Variants in CAPN14 observed in about 807,000 individuals in gnomAD.
CAPN14 encodes the protein calpain-14.
CAPN14 carries 94 observed loss-of-function variants against 101.3 expected under a neutral mutation model. The observed-to-expected ratio is 0.93, with a 90% CI of 0.79 to 1.10. The LOEUF is 1.10. CAPN14 is among the 50% of genes least tolerant of loss of function. The pLI, the probability that CAPN14 is intolerant of heterozygous loss-of-function variation, is 0.00. For missense variants in CAPN14, 837 were observed against 828.4 expected, an observed-to-expected ratio of 1.01 and a Z score of -0.13; for synonymous variants, 338 against 317.9, an observed-to-expected ratio of 1.06 and a Z score of -0.67.
chr2:31,230,765 T>G lies in CAPN14; in HGVS notation c.-177+3026A>C, dbSNP rs986223299. ...ATGTGCTTTCATGGGTTTTTGTGTATAGGAAATATCTTTTCACTCACTTTT... is the reference window on the plus strand; with the variant it reads ...ATGTGCTTTCATGGGTTTTTGTGTAGAGGAAATATCTTTTCACTCACTTTT... On this transcript the variant is annotated intron_variant and NMD_transcript_variant, in intron 1 of 21. Coordinates refer to the CAPN14 transcript ENST00000398824. This position sits in a 1 kb window ranked among gnomAD's most constrained non-coding sequence, Gnocchi z 4.3. 1.3e-5 allele frequency among the ~76,000 whole-genome samples: 2 copies of G among 152,224 alleles called. No homozygotes were observed. Among genetic ancestry groups the G allele is most frequent in the Admixed American group, 6.5e-5 (1 of 15,286 alleles).
rs1681795317 is a variant in CAPN14 at position 31,201,806 on chromosome 2, A to G, written c.551+56T>C. 2.0e-6 allele frequency: 3 copies of G among 1,538,160 alleles called. 1 individual carries two copies. The East Asian group carries it at 7.4e-5, about 38-fold the overall frequency. ...CCTGACTCCACTCCCCTCCCTCAAC[A>G]TTGAGAGAGAGAAAAAGAAGCGATG... On this transcript the variant is annotated intron_variant, in intron 5 of 21. Coordinates refer to ENST00000403897, the MANE Select transcript of CAPN14 (RefSeq NM_001145122.2).
chr2:31,205,332 C>T lies in CAPN14; in HGVS notation c.116G>A (p.Arg39Lys). The T allele has an allele frequency of 1.3e-6, 2 of 1,551,240 alleles. No homozygotes were observed. Among genetic ancestry groups the T allele is most frequent in the South Asian group, 1.2e-5 (1 of 84,028 alleles). The change falls in exon 2 of 22, where the codon AGG becomes AAG. Residue 39 changes from arginine (R) to lysine (K), a missense_variant. Physicochemically the swap from Arg to Lys is conservative, Grantham distance 26. Coordinates refer to ENST00000403897, the MANE Select transcript of CAPN14 (RefSeq NM_001145122.2). ...GGTGTCTTCAAAGAGGCAGCCATTC[C>T]TCAGGCACTCTGCCAGCAGGGCCTC... ...DFEALLAECL[R>K]NGCLFEDTSF...
intron 1 of CAPN14, among the ~76,000 whole-genome samples, chr2:31,227,622 A>G (rs183799280): frequency 1.1e-4 from 16 of 152,322 alleles, no homozygotes; most frequent in Admixed American, 9.1e-4. Flanking sequence ...GTGAAGCGTC[A>G]TTGGCACTTT....
At chr2:31,211,615 AT>A (rs1353443506) in intron 1 of CAPN14, among the ~76,000 whole-genome samples, 10 of 151,738 alleles carry the variant, frequency 6.6e-5, no homozygotes, top group Admixed American at 4.6e-4. Flanking sequence ...GCAATGACCA[AT>A]GAAGTTGTAT....
At chr2:31,189,666 C>T (rs1005863854) in intron 12 of CAPN14, 188 bp from the exon 13 acceptor site, 5 of 688,240 alleles carry the variant, frequency 7.3e-6, no homozygotes, top group African/African-American at 7.0e-5. Flanking sequence ...GAGGGCTGCA[C>T]CTTTGCTGGA....
intron 16 of CAPN14, among the ~76,000 whole-genome samples, chr2:31,183,457 C>G (rs1258398331): frequency 1.3e-5 from 2 of 151,926 alleles, no homozygotes; most frequent in Non-Finnish European, 2.9e-5. Context: ...GGCTAATATC[C>G]AGAATCTACA....
At chr2:31,211,480 A>G (rs2148699080) in intron 1 of CAPN14, among the ~76,000 whole-genome samples, 1 of 152,274 alleles carries the variant, frequency 6.6e-6, no homozygotes, top group East Asian at 1.9e-4. Flanking sequence ...TTAGGAAAAA[A>G]AATCTATTCT....
chr2:31,227,885 T>C (rs532619042), intron 1 of CAPN14, among the ~76,000 whole-genome samples: 84 of 152,216 alleles, frequency 5.5e-4, no homozygotes, highest in African/African-American at 1.9e-3. Flanking sequence ...TTACGTGGGG[T>C]AGCTTGGAAG....
At position 31,199,684 on chromosome 2, in the gene CAPN14, G is replaced by T. The variant is rs555297668; in HGVS notation, c.727-152C>A. On this transcript the variant is annotated intron_variant, in intron 6 of 21. Transcript: ENST00000403897. Reference sequence around the variant, plus strand: ...TACATTGCAGTTTTCAAAGCTCTTTGGTATCCATAGTCTCATTCCACCCTC... The same window carrying T: ...TACATTGCAGTTTTCAAAGCTCTTTTGTATCCATAGTCTCATTCCACCCTC... Among the ~76,000 whole-genome samples the T allele has an allele frequency of 1.4e-4, 22 of 152,268 alleles. No individual in the cohort carries two copies. In the South Asian group the frequency reaches 3.9e-3, roughly 27 times the overall value.
rs1262782441 is a variant in CAPN14, at chr2:31,186,495, A to G, written c.1588-10T>C. On this transcript the variant is annotated splice_polypyrimidine_tract_variant and intron_variant, in intron 15 of 21. Transcript: ENST00000403897. ...CATTAATCTCTGGATGCTAAATAGA[A>G]AGCAGATTGGCAAGAAAAAATAACT... The G allele has an allele frequency of 6.5e-7, 1 of 1,545,032 alleles. No homozygotes were observed. The highest frequency in any genetic ancestry group is 8.7e-7 in the Non-Finnish European group (1 of 1,144,038).
intron 9 of CAPN14, 55 bp downstream of exon 9, chr2:31,194,353 TG>T: frequency 1.5e-6 from 2 of 1,337,716 alleles, no homozygotes; most frequent in Non-Finnish European, 2.1e-6. Context: ...AAATGTCTGC[TG>T]GATGGGTTTT....
At chr2:31,227,902 GA>G (rs1161746915) in intron 1 of CAPN14, among the ~76,000 whole-genome samples, 2 of 152,224 alleles carry the variant, frequency 1.3e-5, no homozygotes, top group African/African-American at 2.4e-5. Flanking sequence ...GAAGTGGGGA[GA>G]GGGGCACAGC....
intron 11 of CAPN14, 50 bp from the exon 12 acceptor site, chr2:31,191,457 G>C: frequency 2.0e-6 from 3 of 1,494,916 alleles, no homozygotes; most frequent in Non-Finnish European, 2.7e-6. Flanking sequence ...AGGAGAGAGA[G>C]ATCTCATTAA....
chr2:31,231,568 TA>T (rs1019435374), intron 1 of CAPN14, among the ~76,000 whole-genome samples: 8 of 152,254 alleles, frequency 5.3e-5, no homozygotes, highest in African/African-American at 1.7e-4. Context: ...GTTCCTTTTT[TA>T]AACAGATAGA....
Position 31,231,753 on chromosome 2 carries a change from C to G in CAPN14, c.-177+2038G>C, listed in dbSNP as rs148919975. Among the ~76,000 whole-genome samples, 668 of 152,296 alleles carry G rather than the reference C, an allele frequency of 4.4e-3. 5 individuals carry two copies. The highest frequency in any genetic ancestry group is 0.013 in the African/African-American group (549 of 41,560). ...TTTCTTTCCTGTCACGCTGGCCATA[C>G]TGACCTCTCTCCGGGGACAGGCTCA... On this transcript the variant is annotated intron_variant and NMD_transcript_variant, in intron 1 of 21. Transcript: ENST00000398824.
chr2:31,206,021 A>ATTTTTTTTTTTTTTTTTT (rs200116287), intron 1 of CAPN14, among the ~76,000 whole-genome samples: 5 of 108,748 alleles, frequency 4.6e-5, no homozygotes, highest in African/African-American at 9.2e-5. Flanking sequence ...CATTATCTTT[A>ATTTTTTTTTTTTTTTTTT]TTTTTTTTAT....
At chr2:31,223,835 T>C (rs1436456034) in intron 2 of CAPN14, among the ~76,000 whole-genome samples, 1 of 152,126 alleles carries the variant, frequency 6.6e-6, no homozygotes, top group Non-Finnish European at 1.5e-5. Flanking sequence ...GCCGCTTCTG[T>C]TTCTTTATCT....
intron 10 of CAPN14, among the ~76,000 whole-genome samples, chr2:31,192,855 C>A (rs1048757642): frequency 1.3e-5 from 2 of 152,076 alleles, no homozygotes; most frequent in South Asian, 2.1e-4. Flanking sequence ...TGCCTGTGAC[C>A]CCCGGTGCTG....
At chr2:31,204,662 AG>A (rs1681977413) in intron 2 of CAPN14, among the ~76,000 whole-genome samples, 1 of 152,124 alleles carries the variant, frequency 6.6e-6, no homozygotes, top group African/African-American at 2.4e-5. Context: ...AGGTCCCTGG[AG>A]GGTGCCACAA....
Sources: gnomAD v4.1 joint callset for allele counts (sites outside exome capture counted in the v4.1 genomes callset) on GRCh38, gnomAD v4.1.1 for gene constraint, Gnocchi (gnomAD v3.1) non-coding constraint, MANE v1.5 for transcripts, NCBI Gene and HGNC (gene_info 2026-07-23, HGNC 2026-07-21) for gene names.